The following RBFOX1 variants were observed in gnomAD, a reference collection of about 807,000 sequenced individuals.
RBFOX1 encodes the protein RNA binding fox-1 homolog 1.
RBFOX1 carries 8 observed loss-of-function variants against 57.7 expected under a neutral mutation model. The ratio of observed to expected loss-of-function variants is 0.14; its 90% CI spans 0.08 to 0.25. The LOEUF is 0.25. RBFOX1 is among the 10% of genes least tolerant of loss of function. The pLI is 1.00. For synonymous variants in RBFOX1, 326 were observed against 222.4 expected, an observed-to-expected ratio of 1.47 and a Z score of -4.15; for missense variants, 611 against 548.5, an observed-to-expected ratio of 1.11 and a Z score of -1.14.
intron 4 of RBFOX1, among the ~76,000 whole-genome samples, chr16:7,218,772 A>AT (rs1567757762): frequency 7.0e-6 from 1 of 143,682 alleles, no homozygotes; most frequent in African/African-American, 2.6e-5. Flanking sequence ...ATTGCCTTTT[A>AT]TTTTTTCTCT....
At chr16:6,581,934 G>C (rs907167049) in intron 2 of RBFOX1, among the ~76,000 whole-genome samples, 2 of 152,166 alleles carry the variant, frequency 1.3e-5, no homozygotes, top group Middle Eastern at 3.2e-3. Context: ...CAATCGTTAT[G>C]AAACCGGGGC....
intron 4 of RBFOX1, among the ~76,000 whole-genome samples, chr16:7,251,159 A>T (rs1441934022): frequency 6.6e-6 from 1 of 151,990 alleles, no homozygotes; most frequent in Non-Finnish European, 1.5e-5. Context: ...CATCTCCCCA[A>T]CCCTCACCAA....
chr16:5,463,579 C>A (rs1050654920), intron 1 of RBFOX1, among the ~76,000 whole-genome samples: 6 of 152,088 alleles, frequency 3.9e-5, no homozygotes, highest in Non-Finnish European at 7.4e-5. Context: ...GCAGGCGGAT[C>A]ACCTGAGGTC....
intron 2 of RBFOX1, among the ~76,000 whole-genome samples, chr16:6,478,771 A>T (rs2095324929): frequency 6.6e-6 from 1 of 152,164 alleles, no homozygotes; most frequent in South Asian, 2.1e-4. Context: ...GAACAGTCAG[A>T]ACACACACAA....
intron 3 of RBFOX1, among the ~76,000 whole-genome samples, chr16:6,812,982 TTC>T (rs961523264): frequency 9.2e-5 from 14 of 152,264 alleles, no homozygotes; most frequent in African/African-American, 3.4e-4. Flanking sequence ...AATTCCCTAC[TTC>T]TCTCTTTTTT....
intron 3 of RBFOX1, among the ~76,000 whole-genome samples, chr16:6,935,820 A>G (rs1412506791): frequency 6.6e-6 from 1 of 152,212 alleles, no homozygotes. Flanking sequence ...AAGGCATGCC[A>G]CAGAGTTTAT....
intron 3 of RBFOX1, among the ~76,000 whole-genome samples, chr16:6,707,446 G>A (rs1433367002): frequency 6.7e-6 from 1 of 149,194 alleles, no homozygotes; most frequent in Non-Finnish European, 1.5e-5. Context: ...GTGGGAAAAT[G>A]CTAGTGAATA....
At chr16:7,267,974 C>G (rs994260045) in intron 4 of RBFOX1, among the ~76,000 whole-genome samples, 8 of 152,180 alleles carry the variant, frequency 5.3e-5, no homozygotes, top group African/African-American at 1.7e-4. Context: ...GTTAGGCAAT[C>G]TTGTCATTGT....
chr16:6,756,086 T>G (rs1321706247), intron 3 of RBFOX1, among the ~76,000 whole-genome samples: 1 of 152,178 alleles, frequency 6.6e-6, no homozygotes, highest in Non-Finnish European at 1.5e-5. Flanking sequence ...AAAACCCTTT[T>G]TGCAAGTTTT....
intron 1 of RBFOX1, among the ~76,000 whole-genome samples, chr16:6,281,205 T>C (rs950845083): frequency 6.6e-5 from 10 of 151,912 alleles, no homozygotes; most frequent in South Asian, 2.1e-4. Flanking sequence ...CTTTCAGAGG[T>C]GCTTACTCCA....
At chr16:7,006,431 G>C (rs578026703) in intron 3 of RBFOX1, among the ~76,000 whole-genome samples, 1 of 152,078 alleles carries the variant, frequency 6.6e-6, no homozygotes, top group East Asian at 1.9e-4. Flanking sequence ...GGGATTACAG[G>C]CTTGAGCCAC....
chr16:7,016,527 A>G (rs917872094), intron 3 of RBFOX1, among the ~76,000 whole-genome samples: 6 of 152,152 alleles, frequency 3.9e-5, no homozygotes, highest in African/African-American at 1.4e-4. Context: ...CAGCACACCT[A>G]TGTGCCAAGC....
At chr16:6,349,696 A>C (rs1009480152) in intron 2 of RBFOX1, among the ~76,000 whole-genome samples, 1 of 152,216 alleles carries the variant, frequency 6.6e-6, no homozygotes, top group African/African-American at 2.4e-5. Flanking sequence ...ATGGGAGCTA[A>C]ATAGAAAATC....
chr16:7,353,492 C>T (rs965049407), intron 4 of RBFOX1, among the ~76,000 whole-genome samples: 5 of 152,062 alleles, frequency 3.3e-5, no homozygotes, highest in African/African-American at 9.7e-5. Context: ...CATATGTGTA[C>T]ACAAAAACGT....
chr16:6,864,382 A>G lies in RBFOX1; in HGVS notation c.-15-187675A>G, dbSNP rs150633077. 5.8e-3 allele frequency among the ~76,000 whole-genome samples: 888 copies of G among 152,278 alleles called. 14 individuals carry two copies. Among genetic ancestry groups the G allele is most frequent in the African/African-American group, 0.02 (839 of 41,552 alleles). On this transcript the variant is annotated intron_variant, in intron 3 of 15. Transcript: ENST00000550418. Reference sequence around the variant, plus strand: ...TTTCAGACTGCAATAAAGGAAGGCTATTTGTTTTACTTTTGCAGGCACAGA... The same window carrying G: ...TTTCAGACTGCAATAAAGGAAGGCTGTTTGTTTTACTTTTGCAGGCACAGA...
intron 3 of RBFOX1, among the ~76,000 whole-genome samples, chr16:6,750,739 A>G (rs2074769938): frequency 6.6e-6 from 1 of 152,222 alleles, no homozygotes; most frequent in Non-Finnish European, 1.5e-5. Flanking sequence ...GGGATAGGGC[A>G]GTGTATGAGA....
chr16:7,633,217 T>G (rs565518414), intron 11 of RBFOX1, among the ~76,000 whole-genome samples: 2 of 152,178 alleles, frequency 1.3e-5, no homozygotes, highest in African/African-American at 4.8e-5. Flanking sequence ...ACAGAAGAAG[T>G]GTACTGATCT....
chr16:6,613,230 C>G (rs1464556537), intron 2 of RBFOX1, among the ~76,000 whole-genome samples: 1 of 152,052 alleles, frequency 6.6e-6, no homozygotes, highest in Admixed American at 6.5e-5. Context: ...GTGCACTTCC[C>G]TTCCCTGTCA....
At chr16:5,411,467 G>T (rs2067020075) in intron 1 of RBFOX1, among the ~76,000 whole-genome samples, 2 of 152,226 alleles carry the variant, frequency 1.3e-5, no homozygotes, top group Admixed American at 6.5e-5. Context: ...GAGCATCCAG[G>T]AGGAACACAG....
Sources: allele counts gnomAD v4.1 joint callset (sites outside exome capture counted in the v4.1 genomes callset), GRCh38; gene constraint gnomAD v4.1.1; transcripts MANE v1.5; gene names NCBI Gene and HGNC (gene_info 2026-07-23, HGNC 2026-07-21).